DDRGK1: variants seen among roughly 807,000 people sequenced by gnomAD.
The protein encoded by DDRGK1 is DDRGK domain containing 1, also known as DDRGK domain-containing protein 1.
Under a neutral mutation model 45.8 loss-of-function variants are expected in DDRGK1, and 38 were observed. That is an observed-to-expected ratio of 0.83 (90% CI 0.64 to 1.09). The LOEUF is 1.09. Ranked by LOEUF, DDRGK1 falls within the 50% of genes least tolerant of loss-of-function variation. DDRGK1 has a pLI of 0.00. For missense variants in DDRGK1, 403 were observed against 419.9 expected (o/e 0.96, Z 0.35); for synonymous variants, 171 against 168.7 (o/e 1.01, Z -0.11).
chr20:3,203,711 A>C (rs1208182732), intron 1 of DDRGK1, among the ~76,000 whole-genome samples: 2 of 152,134 alleles, frequency 1.3e-5, no homozygotes, highest in African/African-American at 4.8e-5. Context: ...GCTCTCATCG[A>C]GTACCCCCTG....
intron 2 of DDRGK1, among the ~76,000 whole-genome samples, chr20:3,200,846 C>T (rs947476028): frequency 1.3e-5 from 2 of 151,970 alleles, no homozygotes; most frequent in African/African-American, 2.4e-5. Context: ...CACGGTGGCT[C>T]ATGCCTGTAA....
At position 3,203,416 on chromosome 20, in the gene DDRGK1, G is replaced by C. The variant is rs745450454; in HGVS notation, c.92C>G (p.Ala31Gly). 2 of 1,555,202 alleles carry C rather than the reference G, an allele frequency of 1.3e-6. No homozygotes were observed. Among genetic ancestry groups the C allele is most frequent in the Admixed American group, 4.1e-5 (2 of 48,900 alleles). ...LTRSRGRAAS[A>G]GQEPLHNEEL... ...CTCATTGTGCAGTGGCTCTTGGCCG[G>C]CTGTAGGGAAGACAGAAATGACAAT... The change falls in exon 2 of 9, where the codon GCC becomes GGC. Residue 31 changes from alanine (A) to glycine (G), a missense_variant and splice_region_variant. Coordinates refer to ENST00000354488, the MANE Select transcript of DDRGK1 (RefSeq NM_023935.3).
In DDRGK1 at chr20:3,203,380, C is replaced by G. The variant is rs2067050563; in HGVS notation, c.128G>C (p.Gly43Ala). ...CCCAGGCTGGGCCACCCGGCCTGCT[C>G]CTGCCAGCTCCTCATTGTGCAGTGG... ...QEPLHNEELA[G>A]AGRVAQPGPL... The change falls in exon 2 of 9, where the codon GGA (glycine) becomes GCA (alanine). Residue 43 changes from glycine (G) to alanine (A), a missense_variant. Coordinates refer to ENST00000354488, the MANE Select transcript of DDRGK1 (RefSeq NM_023935.3). 1 of 1,602,496 alleles carries G rather than the reference C, an allele frequency of 6.2e-7. No homozygotes were observed. The highest frequency in any genetic ancestry group is 1.7e-5 in the Admixed American group (1 of 57,734).
At chr20:3,191,156 C>T in intron 8 of DDRGK1, 34 bp downstream of exon 8, 2 of 1,613,790 alleles carry the variant, frequency 1.2e-6, no homozygotes, top group Non-Finnish European at 1.7e-6. Context: ...CTCTCCAAGG[C>T]CAGGACTGCA....
In DDRGK1 at chr20:3,200,597, G is replaced by A; in HGVS notation, c.296-143C>T. On this transcript the variant is annotated intron_variant, in intron 2 of 8. Transcript: ENST00000354488. ...GTCACTAGCCCAGCTCTGCCCTCCAGAGGCATCTGCCATGAGTGCGTGTGT... is the reference window on the plus strand; with the variant it reads ...GTCACTAGCCCAGCTCTGCCCTCCAAAGGCATCTGCCATGAGTGCGTGTGT... 3 of 695,798 alleles carry A rather than the reference G, an allele frequency of 4.3e-6. No homozygotes were observed. In the South Asian group the frequency reaches 5.4e-5, roughly 12 times the overall value. The allele number at this position is 695,798 out of a possible 1,614,324, so 43.1% of individuals were successfully genotyped here.
intron 4 of DDRGK1, among the ~76,000 whole-genome samples, chr20:3,196,137 A>T (rs927940338): frequency 7.9e-5 from 12 of 152,098 alleles, no homozygotes; most frequent in Admixed American, 5.9e-4. Flanking sequence ...TGACACAGCT[A>T]CTGGGCCATC....
At position 3,200,304 on chromosome 20, in the gene DDRGK1, C is replaced by T. The variant is rs186725381; in HGVS notation, c.408+38G>A. On this transcript the variant is annotated intron_variant, in intron 3 of 8. Transcript: ENST00000354488. ...GGGAAAAAGGAAGGCAGTGCCCTTTCGCACTTCCCAGAGCTGCACCCCATC... is the reference window on the plus strand; with the variant it reads ...GGGAAAAAGGAAGGCAGTGCCCTTTTGCACTTCCCAGAGCTGCACCCCATC... 667 of 1,543,338 alleles carry T rather than the reference C, an allele frequency of 4.3e-4. 5 individuals carry two copies. The East Asian group carries it at 0.011, about 25-fold the overall frequency.
At chr20:3,197,820 C>T (rs1395418549) in intron 4 of DDRGK1, among the ~76,000 whole-genome samples, 1 of 150,442 alleles carries the variant, frequency 6.6e-6, no homozygotes, top group Non-Finnish European at 1.5e-5. Context: ...ATCCTAGCTG[C>T]TTGGGAGGCT....
intron 6 of DDRGK1, among the ~76,000 whole-genome samples, chr20:3,192,038 A>C (rs2066991950): frequency 6.6e-6 from 1 of 150,978 alleles, no homozygotes; most frequent in Non-Finnish European, 1.5e-5. Context: ...CACAATCATA[A>C]ACCCTCTCAT....
At chr20:3,194,934 C>T (rs573155678) in intron 5 of DDRGK1, 66 bp from the exon 6 acceptor site, 6 of 1,591,228 alleles carry the variant, frequency 3.8e-6, no homozygotes, top group Non-Finnish European at 2.6e-6. Context: ...TACCCATTCA[C>T]CCAAGTACCA....
At chr20:3,200,686 G>A (rs540166599) in intron 2 of DDRGK1, among the ~76,000 whole-genome samples, 1 of 152,312 alleles carries the variant, frequency 6.6e-6, no homozygotes, top group South Asian at 2.1e-4. Flanking sequence ...GGGAAAAGAT[G>A]AGAACTTTAG....
intron 2 of DDRGK1, among the ~76,000 whole-genome samples, chr20:3,201,117 A>G (rs188362753): frequency 6.0e-5 from 9 of 150,218 alleles, no homozygotes; most frequent in African/African-American, 2.2e-4. Flanking sequence ...CTCAGGGGAA[A>G]AAAAAATACA....
At chr20:3,196,605 T>C (rs960837815) in intron 4 of DDRGK1, among the ~76,000 whole-genome samples, 3 of 151,894 alleles carry the variant, frequency 2.0e-5, no homozygotes, top group South Asian at 2.1e-4. Flanking sequence ...GGCGTGAACC[T>C]GGGAGGCAGA....
intron 4 of DDRGK1, among the ~76,000 whole-genome samples, chr20:3,197,441 C>T (rs2067016042): frequency 6.6e-6 from 1 of 152,168 alleles, no homozygotes; most frequent in Admixed American, 6.5e-5. Flanking sequence ...AACAAAACCG[C>T]AGCCAGGCGA....
intron 6 of DDRGK1, among the ~76,000 whole-genome samples, chr20:3,193,271 T>C (rs1483323790): frequency 6.6e-6 from 1 of 152,234 alleles, no homozygotes; most frequent in African/African-American, 2.4e-5. Flanking sequence ...TCTATCCCCT[T>C]GGAGCAAGGA....
rs376127775 is a variant in DDRGK1, at chr20:3,196,488, T to C, written c.511-1135A>G. Among the ~76,000 whole-genome samples, 879 of 148,760 alleles carry C rather than the reference T, an allele frequency of 5.9e-3. 11 individuals carry two copies. Among genetic ancestry groups the C allele is most frequent in the African/African-American group, 0.02 (812 of 39,954 alleles). On this transcript the variant is annotated intron_variant, in intron 4 of 8. Transcript: ENST00000354488. ...GTCAGGAGATCGAGACCATCCTGGC[T>C]AACACGGTGAAACCCTGTCTCCACT...
At chr20:3,203,988 C>T (rs2067053957) in intron 1 of DDRGK1, among the ~76,000 whole-genome samples, 1 of 152,166 alleles carries the variant, frequency 6.6e-6, no homozygotes, top group Non-Finnish European at 1.5e-5. Context: ...CTGTTCTGTG[C>T]CCTGGCCAAT....
chr20:3,190,890 TACTCCTTC>T lies in DDRGK1; in HGVS notation c.779-79_779-72del, dbSNP rs2066986912. The T allele has an allele frequency of 3.3e-6, 5 of 1,524,796 alleles. No homozygotes were observed. The South Asian group carries it at 5.1e-5, about 15-fold the overall frequency. 94.5% of individuals were successfully genotyped at this position (1,524,796 alleles called of 1,614,324 possible). On this transcript the variant is annotated intron_variant, in intron 8 of 8. Coordinates refer to ENST00000354488, the MANE Select transcript of DDRGK1 (RefSeq NM_023935.3). ...CCCATCTGGCCTGAGAATGCCCACC[TACTCCTTC>T]ACAGCTGGCTCAGGGCCCTTCCGGC... is the stretch of plus-strand genomic sequence containing the variant.
intron 1 of DDRGK1, among the ~76,000 whole-genome samples, chr20:3,203,986 T>G (rs1330821044): frequency 6.6e-6 from 1 of 152,132 alleles, no homozygotes; most frequent in African/African-American, 2.4e-5. Context: ...ATCTGTTCTG[T>G]GCCCTGGCCA....
Sources: allele counts gnomAD v4.1 joint callset (sites outside exome capture counted in the v4.1 genomes callset), GRCh38; gene constraint gnomAD v4.1.1; transcripts MANE v1.5; gene names NCBI Gene and HGNC (gene_info 2026-07-23, HGNC 2026-07-21).